ADGRL3: variants seen among roughly 807,000 people sequenced by gnomAD.
ADGRL3 encodes adhesion G protein-coupled receptor L3.
In ADGRL3, 62 loss-of-function variants were observed where a neutral mutation model predicts 153.5. That is an observed-to-expected ratio of 0.40 (90% CI 0.33 to 0.50). The LOEUF is 0.50. ADGRL3 is among the 20% of genes least tolerant of loss of function. The pLI is 0.47. For synonymous variants in ADGRL3, 710 were observed against 672.5 expected (o/e 1.06, Z -0.86); for missense variants, 1,641 against 1,859.4 (o/e 0.88, Z 2.16).
chr4:61,970,975 C>T (rs1205510703), intron 17 of ADGRL3, among the ~76,000 whole-genome samples: 2 of 152,018 alleles, frequency 1.3e-5, no homozygotes, highest in Non-Finnish European at 2.9e-5. Context: ...TGGAATCCTG[C>T]TGGCTTCAGT....
intron 1 of ADGRL3, among the ~76,000 whole-genome samples, chr4:61,368,386 T>C (rs943533931): frequency 2.0e-5 from 3 of 152,202 alleles, no homozygotes; most frequent in African/African-American, 4.8e-5. Flanking sequence ...CTTTAATCCA[T>C]CTTGAATTGA....
chr4:61,869,577 C>A (rs955755260), intron 9 of ADGRL3, among the ~76,000 whole-genome samples: 3 of 151,802 alleles, frequency 2.0e-5, no homozygotes, highest in Non-Finnish European at 4.4e-5. Context: ...CGCAGTCTGG[C>A]CTGGGCGACA....
chr4:61,679,454 C>T (rs1000001475), intron 6 of ADGRL3, among the ~76,000 whole-genome samples: 7 of 152,020 alleles, frequency 4.6e-5, no homozygotes, highest in African/African-American at 1.7e-4. Context: ...CCTTGTAGAC[C>T]TTCCCTGATC....
At chr4:61,423,651 G>C (rs1013000445) in intron 2 of ADGRL3, among the ~76,000 whole-genome samples, 4 of 152,178 alleles carry the variant, frequency 2.6e-5, no homozygotes, top group African/African-American at 9.6e-5. Flanking sequence ...TTAATAGACT[G>C]AAATCACAGG....
At chr4:61,506,395 A>G (rs1384730800) in intron 3 of ADGRL3, among the ~76,000 whole-genome samples, 2 of 152,102 alleles carry the variant, frequency 1.3e-5, no homozygotes, top group Non-Finnish European at 2.9e-5. Flanking sequence ...TGCATTGTAT[A>G]TTCTTAATCC....
At chr4:61,624,843 A>G (rs1389599485) in intron 5 of ADGRL3, among the ~76,000 whole-genome samples, 2 of 152,006 alleles carry the variant, frequency 1.3e-5, no homozygotes, top group East Asian at 3.8e-4. Flanking sequence ...GTACTAAACT[A>G]CCCCCAAAAG....
At chr4:62,010,129 T>C (rs866007081) in intron 21 of ADGRL3, among the ~76,000 whole-genome samples, 5 of 152,122 alleles carry the variant, frequency 3.3e-5, no homozygotes, top group African/African-American at 1.2e-4. Context: ...GGAGGTTTTA[T>C]CACATAGGCA....
chr4:61,574,415 G>A (rs892064874), intron 4 of ADGRL3, among the ~76,000 whole-genome samples: 1 of 151,850 alleles, frequency 6.6e-6, no homozygotes, highest in Non-Finnish European at 1.5e-5. Flanking sequence ...TTTTGAAATA[G>A]TAAAATGTTG....
intron 5 of ADGRL3, among the ~76,000 whole-genome samples, chr4:61,613,714 A>G (rs1243502569): frequency 6.6e-6 from 1 of 152,234 alleles, no homozygotes; most frequent in Admixed American, 6.5e-5. Context: ...ACTGCACTCC[A>G]GCCTGGGTGA....
At chr4:61,877,534 T>C (rs1012457687) in intron 9 of ADGRL3, among the ~76,000 whole-genome samples, 1 of 152,274 alleles carries the variant, frequency 6.6e-6, no homozygotes, top group South Asian at 2.1e-4. Flanking sequence ...CATGCACACA[T>C]GAATGGAGAC....
chr4:62,028,791 T>G (rs1720338937), intron 21 of ADGRL3, 64 bp from the exon 22 acceptor site: 3 of 1,381,874 alleles, frequency 2.2e-6, no homozygotes, highest in Non-Finnish European at 3.0e-6. Flanking sequence ...ATTTTTCATA[T>G]GAAATTCTTT....
At chr4:61,747,682 A>G (rs2096686329) in intron 8 of ADGRL3, among the ~76,000 whole-genome samples, 3 of 141,198 alleles carry the variant, frequency 2.1e-5, no homozygotes, top group Non-Finnish European at 4.5e-5. Flanking sequence ...AACTCTCAAT[A>G]AATTAGGTAT....
chr4:62,001,179 C>A (rs958125522), intron 21 of ADGRL3, among the ~76,000 whole-genome samples: 1 of 152,066 alleles, frequency 6.6e-6, no homozygotes, highest in African/African-American at 2.4e-5. Context: ...AGGAGAATTA[C>A]TTTTATAGTT....
At chr4:61,598,285 A>T (rs974578938) in intron 5 of ADGRL3, among the ~76,000 whole-genome samples, 5 of 152,196 alleles carry the variant, frequency 3.3e-5, no homozygotes, top group African/African-American at 7.2e-5. Flanking sequence ...GGGCAACATG[A>T]ACCTCCTGCG....
chr4:61,298,354 T>TA (rs1463823399), intron 1 of ADGRL3, among the ~76,000 whole-genome samples: 6 of 152,338 alleles, frequency 3.9e-5, no homozygotes, highest in Admixed American at 3.3e-4. Flanking sequence ...GTGGTCCCTC[T>TA]AGTTGGGCAA....
At chr4:61,245,468 A>C (rs1297626847) in intron 1 of ADGRL3, among the ~76,000 whole-genome samples, 1 of 152,026 alleles carries the variant, frequency 6.6e-6, no homozygotes, top group African/African-American at 2.4e-5. Context: ...CATCGTCCTC[A>C]TGTCTTGGCC....
chr4:61,745,406 G>A (rs1284258170), intron 8 of ADGRL3, among the ~76,000 whole-genome samples: 1 of 152,098 alleles, frequency 6.6e-6, no homozygotes, highest in Non-Finnish European at 1.5e-5. Context: ...ACACATAATT[G>A]TCAGATTCAC....
At chr4:61,368,342 A>G (rs1488265731) in intron 1 of ADGRL3, among the ~76,000 whole-genome samples, 2 of 152,112 alleles carry the variant, frequency 1.3e-5, no homozygotes, top group Non-Finnish European at 2.9e-5. Flanking sequence ...GTTTTCTTCT[A>G]GGGTTTTTAT....
intron 9 of ADGRL3, among the ~76,000 whole-genome samples, chr4:61,885,204 C>T (rs1351485437): frequency 6.6e-6 from 1 of 152,004 alleles, no homozygotes; most frequent in Non-Finnish European, 1.5e-5. Context: ...TGGCGCGCGC[C>T]TGTAATCCCA....
Sources: gnomAD v4.1 joint callset for allele counts (sites outside exome capture counted in the v4.1 genomes callset) on GRCh38, gnomAD v4.1.1 for gene constraint, MANE v1.5 for transcripts, NCBI Gene and HGNC (gene_info 2026-07-23, HGNC 2026-07-21) for gene names.